The following GPR89A variants were observed in gnomAD, a reference collection of about 807,000 sequenced individuals.
GPR89A encodes golgi pH regulator A.
GPR89A carries 16 observed loss-of-function variants against 52.0 expected under a neutral mutation model. The observed-to-expected ratio is 0.31, with a 90% CI of 0.21 to 0.47. The LOEUF (loss-of-function observed/expected upper bound fraction) is 0.47. Ranked by LOEUF, GPR89A falls within the 20% of genes least tolerant of loss-of-function variation. GPR89A has a pLI of 1.00. For missense variants in GPR89A, 135 were observed against 449.4 expected (o/e 0.30, Z 6.33); for synonymous variants, 55 against 150.9 (o/e 0.36, Z 4.66).
intron 12 of GPR89A, 46 bp from the exon 13 acceptor site, chr1:145,669,579 G>C: frequency 6.2e-7 from 1 of 1,606,610 alleles, no homozygotes; most frequent in Non-Finnish European, 8.5e-7. Flanking sequence ...TCGTGACACA[G>C]GAATCTAACA....
At chr1:145,661,773 G>A (rs1652221039) in intron 10 of GPR89A, among the ~76,000 whole-genome samples, 1 of 149,740 alleles carries the variant, frequency 6.7e-6, no homozygotes, top group Admixed American at 6.8e-5. Context: ...GCTGATATAG[G>A]GGTTTTAATG....
At chr1:145,623,189 A>T (rs1176900494) in intron 4 of GPR89A, 29 bp downstream of exon 4, 5 of 1,612,332 alleles carry the variant, frequency 3.1e-6, no homozygotes, top group Non-Finnish European at 4.2e-6. Context: ...CAGTCAGCAT[A>T]TAGATTGAGA....
rs1280886845 is a variant in GPR89A at position 145,608,030 on chromosome 1, C to T, written c.-104C>T. ...GGCTGGAGAGCCGCAGTCCCGGCTGCAGCACCTGGGAGAAGGCAGACCGTG... is the reference window on the plus strand; with the variant it reads ...GGCTGGAGAGCCGCAGTCCCGGCTGTAGCACCTGGGAGAAGGCAGACCGTG... On this transcript the variant is annotated 5_prime_UTR_variant, in exon 1 of 14. Coordinates refer to ENST00000313835, the MANE Select transcript of GPR89A (RefSeq NM_001097612.2). The T allele has an allele frequency of 7.2e-6, 10 of 1,396,192 alleles. No individual in the cohort carries two copies. Among genetic ancestry groups the T allele is most frequent in the Non-Finnish European group, 1.0e-5 (10 of 1,003,276 alleles). 86.5% of individuals were successfully genotyped at this position (1,396,192 alleles called of 1,614,324 possible). A position where few individuals can be genotyped will look rare whatever the true frequency, so the allele number is the denominator to read the frequency against.
At chr1:145,645,894 TAATC>T (rs1289884069) in intron 8 of GPR89A, 2 of 511,750 alleles carry the variant, frequency 3.9e-6, no homozygotes, top group South Asian at 4.1e-5. Context: ...ACATTTGACT[TAATC>T]TAACTAGTTA....
chr1:145,653,119 A>G (rs1429343610), intron 10 of GPR89A, among the ~76,000 whole-genome samples: 1 of 151,152 alleles, frequency 6.6e-6, no homozygotes, highest in Admixed American at 6.6e-5. Flanking sequence ...ATTTAGTGCT[A>G]TCCATTTCCC....
chr1:145,647,830 CTCTCTCTCTCTCT>C (rs1571519623), intron 10 of GPR89A, among the ~76,000 whole-genome samples: 188 of 2,152 alleles, frequency 0.087, 1 homozygote, highest in South Asian at 0.25. Context: ...GTCGTCGACT[CTCTCTCTCTCTCT>C]CCTCCTCCTC....
At chr1:145,660,867 A>AC (rs1436896965) in intron 10 of GPR89A, among the ~76,000 whole-genome samples, 4 of 151,536 alleles carry the variant, frequency 2.6e-5, no homozygotes, top group Non-Finnish European at 5.9e-5. Flanking sequence ...GGGACTGTAA[A>AC]CTAGTTCAAC....
chr1:145,619,921 A>G (rs1472771205), intron 3 of GPR89A, among the ~76,000 whole-genome samples: 7 of 152,080 alleles, frequency 4.6e-5, no homozygotes, highest in Non-Finnish European at 1.0e-4. Flanking sequence ...GGGCTGAGGC[A>G]GGAGAATGGC....
chr1:145,638,951 C>T (rs1553691262), intron 7 of GPR89A, among the ~76,000 whole-genome samples: 1 of 148,434 alleles, frequency 6.7e-6, no homozygotes, highest in Admixed American at 6.7e-5. Context: ...GTAACAAGAC[C>T]CCATCTTGAA....
intron 7 of GPR89A, among the ~76,000 whole-genome samples, chr1:145,633,788 A>G (rs1300699650): frequency 6.9e-6 from 1 of 145,062 alleles, no homozygotes; most frequent in East Asian, 2.0e-4. Context: ...TGGAATTTTG[A>G]TAGGAATTAC....
At chr1:145,635,197 G>A (rs1405401339) in intron 7 of GPR89A, among the ~76,000 whole-genome samples, 2 of 152,154 alleles carry the variant, frequency 1.3e-5, no homozygotes, top group African/African-American at 4.8e-5. Flanking sequence ...ACAAGGTCAG[G>A]AGATCAAGAC....
At chr1:145,652,641 G>A (rs1431184665) in intron 10 of GPR89A, among the ~76,000 whole-genome samples, 1 of 123,788 alleles carries the variant, frequency 8.1e-6, no homozygotes, top group Non-Finnish European at 1.6e-5. Flanking sequence ...TCCTTGGATG[G>A]TAGGCTTATT....
chr1:145,657,333 G>A (rs1446775540), intron 10 of GPR89A, among the ~76,000 whole-genome samples: 1 of 148,122 alleles, frequency 6.8e-6, no homozygotes, highest in African/African-American at 2.6e-5. Context: ...CAAGGCCTCA[G>A]TGAGCTATTA....
intron 5 of GPR89A, among the ~76,000 whole-genome samples, chr1:145,625,552 G>C (rs587710470): frequency 6.8e-6 from 1 of 147,456 alleles, no homozygotes; most frequent in African/African-American, 2.6e-5. Context: ...CGTTGCTCAG[G>C]ATGGTCTCGA....
At chr1:145,619,115 G>T (rs1181924279) in intron 3 of GPR89A, among the ~76,000 whole-genome samples, 2 of 152,042 alleles carry the variant, frequency 1.3e-5, no homozygotes, top group East Asian at 3.9e-4. Flanking sequence ...AACCTTTTAG[G>T]AGTAAAGCAG....
At chr1:145,641,339 T>C (rs1453140234) in intron 7 of GPR89A, among the ~76,000 whole-genome samples, 1 of 151,926 alleles carries the variant, frequency 6.6e-6, no homozygotes, top group South Asian at 2.1e-4. Context: ...GTTGCCAGAA[T>C]TAAGGAATTG....
intron 1 of GPR89A, among the ~76,000 whole-genome samples, chr1:145,613,534 C>G (rs1314644817): frequency 6.6e-6 from 1 of 152,104 alleles, no homozygotes; most frequent in East Asian, 1.9e-4. Context: ...CCCTCATCAC[C>G]TACAGACTAT....
intron 12 of GPR89A, among the ~76,000 whole-genome samples, chr1:145,667,244 C>T (rs1250916461): frequency 3.3e-5 from 5 of 152,126 alleles, no homozygotes; most frequent in Non-Finnish European, 5.9e-5. Context: ...CTCTCCAGCA[C>T]CTGTTGTTTC....
At chr1:145,609,601 GCTTTT>G (rs1277299329) in intron 1 of GPR89A, among the ~76,000 whole-genome samples, 3 of 152,178 alleles carry the variant, frequency 2.0e-5, no homozygotes, top group Non-Finnish European at 2.9e-5. Flanking sequence ...TATTTAATTA[GCTTTT>G]CTTTTCATTT....
Sources: gnomAD v4.1 joint callset for allele counts (sites outside exome capture counted in the v4.1 genomes callset) on GRCh38, gnomAD v4.1.1 for gene constraint, MANE v1.5 for transcripts, NCBI Gene and HGNC (gene_info 2026-07-23, HGNC 2026-07-21) for gene names.